The following PCMTD1 variants were observed in gnomAD, a reference collection of about 807,000 sequenced individuals.
PCMTD1 encodes protein-L-isoaspartate (D-aspartate) O-methyltransferase domain containing 1.
In PCMTD1, 12 loss-of-function variants were observed where a neutral mutation model predicts 37.6. That is an observed-to-expected ratio of 0.32 (90% CI 0.20 to 0.52). PCMTD1 has a LOEUF of 0.52. Ranked by LOEUF, PCMTD1 falls within the 20% of genes least tolerant of loss-of-function variation. The pLI, the probability that PCMTD1 is intolerant of heterozygous loss-of-function variation, is 0.97. For synonymous variants in PCMTD1, 117 were observed against 135.8 expected (o/e 0.86, Z 0.96); for missense variants, 235 against 421.3 (o/e 0.56, Z 3.87).
chr8:51,850,771 G>A (rs951547481), intron 2 of PCMTD1, among the ~76,000 whole-genome samples: 5 of 151,994 alleles, frequency 3.3e-5, no homozygotes, highest in Admixed American at 2.0e-4. Context: ...AATATAAAAG[G>A]ATCTTTCAAT....
At chr8:51,875,809 G>A (rs987795748) in intron 1 of PCMTD1, among the ~76,000 whole-genome samples, 12 of 152,080 alleles carry the variant, frequency 7.9e-5, no homozygotes, top group Admixed American at 7.9e-4. Context: ...GCACATACCT[G>A]CAGTCCCAGC....
intron 1 of PCMTD1, among the ~76,000 whole-genome samples, chr8:51,885,744 T>C (rs891043577): frequency 6.6e-6 from 1 of 152,224 alleles, no homozygotes; most frequent in Non-Finnish European, 1.5e-5. Context: ...ACTTTGCCAC[T>C]GTATTAAAAT....
chr8:51,869,655 A>T (rs1430473620), intron 1 of PCMTD1, among the ~76,000 whole-genome samples: 1 of 152,154 alleles, frequency 6.6e-6, no homozygotes, highest in Non-Finnish European at 1.5e-5. Flanking sequence ...TCCTGCACTG[A>T]ACAATAAAAC....
At chr8:51,830,737 T>C in intron 5 of PCMTD1, among the ~76,000 whole-genome samples, 1 of 152,184 alleles carries the variant, frequency 6.6e-6, no homozygotes, top group East Asian at 1.9e-4. Flanking sequence ...ATTGTCTCTC[T>C]GTATGAAAAA....
chr8:51,892,962 A>C (rs2038956336), intron 1 of PCMTD1, among the ~76,000 whole-genome samples: 1 of 152,232 alleles, frequency 6.6e-6, no homozygotes, highest in Admixed American at 6.5e-5. Context: ...TTTTTGTATC[A>C]CTTAAAATTT....
chr8:51,853,455 C>T (rs138132163), intron 2 of PCMTD1, among the ~76,000 whole-genome samples: 6 of 152,290 alleles, frequency 3.9e-5, no homozygotes, highest in African/African-American at 1.4e-4. Context: ...AAATTTTACA[C>T]TTAAGGAAAC....
chr8:51,820,746 G>T (rs764470898), intron 5 of PCMTD1, 28 bp from the exon 6 acceptor site: 1 of 1,546,398 alleles, frequency 6.5e-7, no homozygotes, highest in East Asian at 2.4e-5. Context: ...ACGCAAGAAA[G>T]AAAATATTAA....
chr8:51,881,759 G>A (rs937428402), intron 1 of PCMTD1, among the ~76,000 whole-genome samples: 4 of 152,172 alleles, frequency 2.6e-5, no homozygotes, highest in Admixed American at 6.5e-5. Context: ...AAACCTCGGT[G>A]TAAGTCAAAA....
At position 51,862,233 on chromosome 8, in the gene PCMTD1, A is replaced by G. The variant is rs2038482279; in HGVS notation, c.-95-987T>C. Among the ~76,000 whole-genome samples the G allele has an allele frequency of 1.3e-5, 2 of 152,182 alleles. 1 individual carries two copies. Among genetic ancestry groups the G allele is most frequent in the Admixed American group, 1.3e-4 (2 of 15,282 alleles). ...ATAAAATGCAAAATAAACAAACCCC[A>G]CACTCATGTTTATTAATGCGCTTGT... On this transcript the variant is annotated intron_variant, in intron 1 of 5. Transcript: ENST00000522514.
intron 1 of PCMTD1, among the ~76,000 whole-genome samples, chr8:51,869,221 A>C (rs1406982785): frequency 6.6e-6 from 1 of 152,174 alleles, no homozygotes; most frequent in Non-Finnish European, 1.5e-5. Context: ...TTTTTTATGA[A>C]AGTAAAATAA....
chr8:51,839,096 G>GA (rs5891436), intron 3 of PCMTD1, among the ~76,000 whole-genome samples: 8 of 149,964 alleles, frequency 5.3e-5, no homozygotes, highest in African/African-American at 2.0e-4. Context: ...TTTATTCTTT[G>GA]AAAAAAAAAA....
At chr8:51,897,673 T>C (rs2039026321) in intron 1 of PCMTD1, among the ~76,000 whole-genome samples, 3 of 152,232 alleles carry the variant, frequency 2.0e-5, no homozygotes, top group Admixed American at 2.0e-4. Flanking sequence ...CTGAAAGTTT[T>C]GCCACATTGT....
chr8:51,878,249 G>T (rs6986803), intron 1 of PCMTD1, among the ~76,000 whole-genome samples: 84,953 of 136,990 alleles, frequency 0.62, 29,897 homozygotes, highest in Non-Finnish European at 0.81. Flanking sequence ...TTTTTTTTTT[G>T]GTTTTTTTTT....
chr8:51,835,437 GGATT>G (rs2038055479), intron 3 of PCMTD1, among the ~76,000 whole-genome samples: 1 of 151,866 alleles, frequency 6.6e-6, no homozygotes, highest in Non-Finnish European at 1.5e-5. Flanking sequence ...CCATAATCTC[GGATT>G]GTTTAAAATA....
At position 51,861,184 on chromosome 8, in the gene PCMTD1, G is replaced by A. The variant is rs1563351295; in HGVS notation, c.-33C>T. 1.9e-6 allele frequency: 3 copies of A among 1,541,922 alleles called. No individual in the cohort carries two copies. The Admixed American group carries it at 6.0e-5, about 31-fold the overall frequency. ...TTCAAATCAAATCATAAATTTAAAA[G>A]TGAAATAAAATTAGTAGAAATGGCT... On this transcript the variant is annotated 5_prime_UTR_variant, in exon 2 of 6. Transcript: ENST00000522514.
intron 1 of PCMTD1, among the ~76,000 whole-genome samples, chr8:51,865,860 G>C (rs1216474479): frequency 6.6e-6 from 1 of 151,632 alleles, no homozygotes; most frequent in Admixed American, 6.6e-5. Context: ...AAATAGGAAA[G>C]CAAAAATTGA....
In PCMTD1 at chr8:51,820,674, T is replaced by C; in HGVS notation, c.751A>G (p.Ile251Val). The C allele has an allele frequency of 6.2e-7, 1 of 1,613,686 alleles. No individual in the cohort carries two copies. The highest frequency in any genetic ancestry group is 8.5e-7 in the Non-Finnish European group (1 of 1,179,860). The change falls in exon 6 of 6, where the codon ATT (isoleucine) becomes GTT (valine). Residue 251 changes from isoleucine to valine, a missense_variant. By Grantham distance (29) the Ile-to-Val change is conservative. This residue lies in a region of PCMTD1 where 183 missense variants were observed against 349.3 expected (regional missense o/e 0.52). Coordinates refer to ENST00000522514, the MANE Select transcript of PCMTD1 (RefSeq NM_052937.4). Reference protein sequence around the residue: ...RNLQDLARIYIRRTLRNFIND... With the variant: ...RNLQDLARIYVRRTLRNFIND... ...ATGAAATTTCTAAGTGTGCGTCGAA[T>C]GTAAATACGAGCCAAGTCCTGTAGA...
upstream of PCMTD1, chr8:51,899,048 G>A (rs766498204): frequency 1.3e-6 from 2 of 1,506,410 alleles, no homozygotes; most frequent in South Asian, 1.2e-5. Flanking sequence ...GAGAGGCGGG[G>A]CCCGGACCCG....
intron 1 of PCMTD1, among the ~76,000 whole-genome samples, chr8:51,865,656 AG>A (rs2038544123): frequency 2.0e-5 from 3 of 152,106 alleles, no homozygotes; most frequent in Admixed American, 6.5e-5. Context: ...CCAATAAATT[AG>A]ACACAGAGGG....
Sources: gnomAD v4.1 joint callset for allele counts (sites outside exome capture counted in the v4.1 genomes callset) on GRCh38, gnomAD v4.1.1 for gene constraint, gnomAD v4.1.1 regional missense constraint, MANE v1.5 for transcripts, NCBI Gene and HGNC (gene_info 2026-07-23, HGNC 2026-07-21) for gene names.